UNC5D: variants seen among roughly 807,000 people sequenced by gnomAD.
UNC5D encodes the protein unc-5 netrin receptor D, also known as netrin receptor UNC5D.
In UNC5D, 39 loss-of-function variants were observed where a neutral mutation model predicts 105.4. The ratio of observed to expected loss-of-function variants is 0.37; its 90% CI spans 0.29 to 0.48. UNC5D has a LOEUF of 0.48. UNC5D is among the 20% of genes least tolerant of loss of function. The probability of loss-of-function intolerance (pLI) is 0.98; values close to 1 mark genes in which losing one functional copy is unlikely to be tolerated. For missense variants in UNC5D, 991 were observed against 1,202.4 expected (o/e 0.82, Z 2.60); for synonymous variants, 452 against 450.4 (o/e 1.00, Z -0.04).
At chr8:35,367,016 G>C (rs533608838) in intron 1 of UNC5D, among the ~76,000 whole-genome samples, 10 of 152,156 alleles carry the variant, frequency 6.6e-5, no homozygotes, top group Non-Finnish European at 1.5e-4. Context: ...TTCTAATTTA[G>C]TTAACAGAAG....
chr8:35,659,005 A>C (rs1252989480), intron 4 of UNC5D, among the ~76,000 whole-genome samples: 3 of 152,170 alleles, frequency 2.0e-5, no homozygotes, highest in Non-Finnish European at 4.4e-5. Context: ...GGAAGTCATC[A>C]TGATAGTCCA....
chr8:35,362,087 A>G (rs1585669023), intron 1 of UNC5D, among the ~76,000 whole-genome samples: 2 of 152,170 alleles, frequency 1.3e-5, no homozygotes, highest in East Asian at 1.9e-4. Context: ...GACATGATCT[A>G]AGTTTCTTTT....
intron 4 of UNC5D, among the ~76,000 whole-genome samples, chr8:35,677,908 A>ATG (rs762072143): frequency 1.4e-5 from 2 of 145,098 alleles, no homozygotes; most frequent in African/African-American, 2.5e-5. Flanking sequence ...GTGTGTGTGT[A>ATG]TGTGTGTGTG....
At chr8:35,278,014 G>C (rs145081536) in intron 1 of UNC5D, among the ~76,000 whole-genome samples, 17 of 152,282 alleles carry the variant, frequency 1.1e-4, no homozygotes, top group East Asian at 7.7e-4. Context: ...TTTGTTGCCT[G>C]TTTCTTTCTA....
At chr8:35,252,181 T>C (rs950503373) in intron 1 of UNC5D, among the ~76,000 whole-genome samples, 2 of 152,042 alleles carry the variant, frequency 1.3e-5, no homozygotes, top group Non-Finnish European at 2.9e-5. Flanking sequence ...AATGGTTCTT[T>C]ATTTATGAAA....
At position 35,794,108 on chromosome 8, in the gene UNC5D, A is replaced by G. The variant is rs879381759; in HGVS notation, c.*3545A>G. 21 of 152,174 alleles carry G rather than the reference A, an allele frequency of 1.4e-4. No homozygotes were observed. The highest frequency in any genetic ancestry group is 4.6e-4 in the African/African-American group (19 of 41,448). The allele number at this position is 152,174 out of a possible 1,614,324, so 9.4% of individuals were successfully genotyped here. ...TTTTAGATAATATCTTCTACTGCCA[A>G]ACTTCTGGCAAATTTACCTGTGAAT... On this transcript the variant is annotated 3_prime_UTR_variant, in exon 17 of 17. Coordinates refer to ENST00000404895, the MANE Select transcript of UNC5D (RefSeq NM_080872.4).
At chr8:35,416,066 T>C (rs1179516108) in intron 1 of UNC5D, among the ~76,000 whole-genome samples, 3 of 152,166 alleles carry the variant, frequency 2.0e-5, no homozygotes, top group East Asian at 3.9e-4. Flanking sequence ...ACACAAGGGA[T>C]AACTGTTTGA....
intron 1 of UNC5D, among the ~76,000 whole-genome samples, chr8:35,238,191 C>A (rs990559522): frequency 6.2e-4 from 94 of 152,270 alleles, no homozygotes; most frequent in African/African-American, 2.1e-3. Flanking sequence ...GTAGCGTTTT[C>A]TTTACCATAT....
At chr8:35,414,410 C>A (rs977965002) in intron 1 of UNC5D, among the ~76,000 whole-genome samples, 1 of 152,018 alleles carries the variant, frequency 6.6e-6, no homozygotes, top group Non-Finnish European at 1.5e-5. Context: ...CTTCTTCTAC[C>A]TTTGCTATAC....
At chr8:35,468,831 T>G (rs873893) in intron 1 of UNC5D, among the ~76,000 whole-genome samples, 82,590 of 152,136 alleles carry the variant, frequency 0.54, 26,546 homozygotes, top group Non-Finnish European at 0.71. Context: ...GGGACAATGC[T>G]GATGACTTTT....
At chr8:35,567,184 C>T (rs1033249393) in intron 2 of UNC5D, among the ~76,000 whole-genome samples, 3 of 152,118 alleles carry the variant, frequency 2.0e-5, no homozygotes, top group African/African-American at 7.2e-5. Flanking sequence ...TTCACCTCCT[C>T]ATACCATTGC....
chr8:35,461,732 C>T (rs1347226543), intron 1 of UNC5D, among the ~76,000 whole-genome samples: 9 of 152,258 alleles, frequency 5.9e-5, no homozygotes, highest in Middle Eastern at 6.8e-3. Flanking sequence ...CTCTGCTTCT[C>T]CAGGACAGGG....
In UNC5D at chr8:35,774,472, C is replaced by A. The variant is rs764330172; in HGVS notation, c.2652C>A (p.Ile884=). 1.9e-5 allele frequency: 30 copies of A among 1,613,820 alleles called. No homozygotes were observed. The South Asian group carries it at 2.6e-4, about 14-fold the overall frequency. The change falls in exon 16 of 17, where the codon ATC becomes ATA. Residue 884 remains isoleucine (I), a synonymous_variant. Coordinates refer to ENST00000404895, the MANE Select transcript of UNC5D (RefSeq NM_080872.4). ...AGATGTTAGCACAGAAAAACAGCAT[C>A]AACAGGTAATTGGGGACAGCTTCTG... The part of the protein sequence containing the change: ...DWQMLAQKNS[I]NRNLSYFATQ...
intron 3 of UNC5D, among the ~76,000 whole-genome samples, chr8:35,577,429 T>C (rs1327941935): frequency 6.6e-6 from 1 of 152,194 alleles, no homozygotes; most frequent in Non-Finnish European, 1.5e-5. Context: ...GCCCCTCTAT[T>C]TGAACATGGG....
intron 1 of UNC5D, among the ~76,000 whole-genome samples, chr8:35,397,540 T>A (rs972476568): frequency 1.3e-5 from 2 of 152,228 alleles, no homozygotes; most frequent in Non-Finnish European, 2.9e-5. Context: ...ACACAGCAGA[T>A]GCTTCTTGAG....
chr8:35,254,522 G>C (rs577473882), intron 1 of UNC5D: 2 of 152,236 alleles, frequency 1.3e-5, no homozygotes, highest in South Asian at 4.1e-4. Context: ...GTAGGTCCAA[G>C]ACCATTACAC....
In UNC5D at chr8:35,601,283, G is replaced by C. The variant is rs180950703; in HGVS notation, c.570+5626G>C. On this transcript the variant is annotated intron_variant, in intron 4 of 16. Transcript: ENST00000404895. Reference sequence around the variant, plus strand: ...GCTTAGGATTGACTTGGCAATGTGGGCTCTTTTTTGGTTCCATATGAACTT... The same window carrying C: ...GCTTAGGATTGACTTGGCAATGTGGCCTCTTTTTTGGTTCCATATGAACTT... Among the ~76,000 whole-genome samples the C allele has an allele frequency of 6.9e-3, 1,044 of 152,178 alleles. 9 individuals are homozygous for C. Among genetic ancestry groups the C allele is most frequent in the Middle Eastern group, 0.031 (9 of 294 alleles).
intron 2 of UNC5D, among the ~76,000 whole-genome samples, chr8:35,567,077 A>AC (rs1244344409): frequency 2.8e-5 from 4 of 145,252 alleles, no homozygotes; most frequent in African/African-American, 1.0e-4. Context: ...TAAAGTAACA[A>AC]AAAAAAAAAA....
intron 1 of UNC5D, among the ~76,000 whole-genome samples, chr8:35,237,266 A>G (rs758940366): frequency 6.9e-6 from 1 of 144,036 alleles, no homozygotes; most frequent in Non-Finnish European, 1.5e-5. Context: ...GTGATTGTAC[A>G]CCCTGGGTTA....
Sources: gnomAD v4.1 joint callset for allele counts (sites outside exome capture counted in the v4.1 genomes callset) on GRCh38, gnomAD v4.1.1 for gene constraint, MANE v1.5 for transcripts, NCBI Gene and HGNC (gene_info 2026-07-23, HGNC 2026-07-21) for gene names.